PHETA2: variants seen among roughly 807,000 people sequenced by gnomAD.
PHETA2 encodes the protein PH domain containing endocytic trafficking adaptor 2, also known as sesquipedalian-2.
For synonymous variants in PHETA2, 133 were observed against 142.9 expected (o/e 0.93, Z 0.50); for missense variants, 321 against 341.3 (o/e 0.94, Z 0.47).
rs759630860 is a variant in PHETA2, at chr22:42,077,894, G to A, written c.601G>A (p.Glu201Lys). The A allele has an allele frequency of 2.5e-6, 4 of 1,613,514 alleles. No homozygotes were observed. Among genetic ancestry groups the A allele is most frequent in the Non-Finnish European group, 3.4e-6 (4 of 1,179,886 alleles). ...TGCAGGGTGGGGGTTGGCTGAGTGG[G>A]AGCTGCAGGGCCCTGCCAGCCTCCT... ...RSAGWGLAEWELQGPASLLLG... is the reference protein window; with the variant it reads ...RSAGWGLAEWKLQGPASLLLG... The change falls in exon 3 of 3, where the codon GAG becomes AAG. Residue 201 changes from glutamate (E) to lysine (K), a missense_variant. Physicochemically the swap from Glu to Lys is moderately conservative, Grantham distance 56 (BLOSUM62 1). Coordinates refer to ENST00000321753, the MANE Select transcript of PHETA2 (RefSeq NM_001002034.3).
Position 42,077,455 on chromosome 22 carries a change from C to CT in PHETA2, c.165dup (p.Glu56Ter), listed in dbSNP as rs769633011. 6 of 1,613,994 alleles carry CT rather than the reference C, an allele frequency of 3.7e-6. No individual in the cohort carries two copies. In the South Asian group the frequency reaches 6.6e-5, roughly 18 times the overall value. ...TCCTCAAGGGCAACCTGCTATTCTC[C>CT]TTTGAGAGTCGCGAGGGCCGGGCCC... On this transcript the variant is annotated frameshift_variant, in exon 3 of 3. Coordinates refer to ENST00000321753, the MANE Select transcript of PHETA2 (RefSeq NM_001002034.3). LOFTEE classifies it low-confidence loss of function (END_TRUNC).
rs941364521 is a variant in PHETA2, at chr22:42,075,464, C to G, written c.-96-107C>G. On this transcript the variant is annotated intron_variant, in intron 1 of 2. Transcript: ENST00000321753. The surrounding 1 kb of genome is among the most constrained non-coding windows in gnomAD (Gnocchi z 4.8). ...GATGGGTGGGGGGATTCTCAGGGGTCAGGGAAGGCTTCCCGGTGGAGGCTG... is the reference window on the plus strand; with the variant it reads ...GATGGGTGGGGGGATTCTCAGGGGTGAGGGAAGGCTTCCCGGTGGAGGCTG... 5 of 152,384 alleles carry G rather than the reference C, an allele frequency of 3.3e-5. No homozygotes were observed. The highest frequency in any genetic ancestry group is 7.3e-5 in the Non-Finnish European group (5 of 68,248). The allele number at this position is 152,384 out of a possible 1,614,324, so 9.4% of individuals were successfully genotyped here.
Position 42,077,483 on chromosome 22 carries a change from C to A in PHETA2, c.190C>A (p.Leu64Met). Residue 64 changes from leucine (L) to methionine (M), a missense_variant, in exon 3 of 3, where the codon CTG (leucine) becomes ATG (methionine). By Grantham distance (15) the Leu-to-Met change is conservative. Coordinates refer to ENST00000321753, the MANE Select transcript of PHETA2 (RefSeq NM_001002034.3). ...SFESREGRAP[L>M]SLVVLEGCTV... is the part of the protein sequence containing the mutation. Reference sequence around the variant, plus strand: ...TGAGAGTCGCGAGGGCCGGGCCCCACTGAGCCTGGTGGTGCTGGAAGGCTG... The same window carrying A: ...TGAGAGTCGCGAGGGCCGGGCCCCAATGAGCCTGGTGGTGCTGGAAGGCTG... 2 of 1,614,140 alleles carry A rather than the reference C, an allele frequency of 1.2e-6. No homozygotes were observed. The highest frequency in any genetic ancestry group is 1.7e-6 in the Non-Finnish European group (2 of 1,180,030).
At chr22:42,074,994 C>T (rs1335323964) in intron 1 of PHETA2, among the ~76,000 whole-genome samples, 1 of 152,184 alleles carries the variant, frequency 6.6e-6, no homozygotes, top group Non-Finnish European at 1.5e-5. Context: ...TTCGATTTGT[C>T]CACTGATGTA....
At position 42,077,839 on chromosome 22, in the gene PHETA2, G is replaced by A; in HGVS notation, c.546G>A (p.Val182=). 6.2e-7 allele frequency: 1 copy of A among 1,613,360 alleles called. No homozygotes were observed. The highest frequency in any genetic ancestry group is 8.5e-7 in the Non-Finnish European group (1 of 1,179,932). Residue 182 remains valine, a synonymous_variant, in exon 3 of 3, where the codon GTG becomes GTA. Coordinates refer to ENST00000321753, the MANE Select transcript of PHETA2 (RefSeq NM_001002034.3). ...GCCTCTCCAAGGACAGCAGCCCTGT[G>A]GGCTTGGTTGAAGAAGCGGGCAGCA... The part of the protein sequence containing the change: ...GHCLSKDSSP[V]GLVEEAGSRS...
chr22:42,077,466 G>T lies in PHETA2; in HGVS notation c.173G>T (p.Arg58Leu). Residue 58 changes from arginine (R) to leucine (L), a missense_variant, in exon 3 of 3, where the codon CGC becomes CTC. Arg to Leu is a moderately radical substitution (Grantham distance 102). Transcript: ENST00000321753. The part of the protein sequence containing the change: ...KGNLLFSFES[R>L]EGRAPLSLVV... ...AACCTGCTATTCTCCTTTGAGAGTC[G>T]CGAGGGCCGGGCCCCACTGAGCCTG... is the stretch of plus-strand genomic sequence containing the variant. The T allele has an allele frequency of 6.2e-7, 1 of 1,614,026 alleles. No individual in the cohort carries two copies. Among genetic ancestry groups the T allele is most frequent in the Non-Finnish European group, 8.5e-7 (1 of 1,180,010 alleles).
chr22:42,077,910 C>T lies in PHETA2; in HGVS notation c.617C>T (p.Ala206Val). 1 of 1,613,246 alleles carries T rather than the reference C, an allele frequency of 6.2e-7. No individual in the cohort carries two copies. The highest frequency in any genetic ancestry group is 8.5e-7 in the Non-Finnish European group (1 of 1,179,660). Reference protein sequence around the residue: ...GLAEWELQGPASLLLGKGQSP... With the variant: ...GLAEWELQGPVSLLLGKGQSP... Reference sequence around the variant, plus strand: ...GCTGAGTGGGAGCTGCAGGGCCCTGCCAGCCTCCTCCTAGGCAAGGGGCAG... The same window carrying T: ...GCTGAGTGGGAGCTGCAGGGCCCTGTCAGCCTCCTCCTAGGCAAGGGGCAG... Residue 206 changes from alanine (A) to valine (V), a missense_variant, in exon 3 of 3, where the codon GCC (alanine) becomes GTC (valine). Physicochemically the swap from Ala to Val is moderately conservative, Grantham distance 64. Transcript: ENST00000321753.
chr22:42,076,689 C>A (rs1363734355), intron 2 of PHETA2, among the ~76,000 whole-genome samples: 1 of 152,188 alleles, frequency 6.6e-6, no homozygotes, highest in African/African-American at 2.4e-5. Flanking sequence ...AAAGGCCCAA[C>A]GCAGCACACC....
rs80060478 is a variant in PHETA2, at chr22:42,079,153, C to T, written c.*1080C>T. 4,392 of 167,308 alleles carry T rather than the reference C, an allele frequency of 0.026. 206 individuals carry two copies. Among genetic ancestry groups the T allele is most frequent in the African/African-American group, 0.1 (4,140 of 41,514 alleles). The allele number at this position is 167,308 out of a possible 1,614,324, so 10.4% of individuals were successfully genotyped here. On this transcript the variant is annotated 3_prime_UTR_variant, in exon 3 of 3. Coordinates refer to ENST00000321753, the MANE Select transcript of PHETA2 (RefSeq NM_001002034.3). ...AGACGCAGAGGCCGGGAAGAGACAC[C>T]CCCTCCCAAACACATAAAACTTGCC...
chr22:42,076,577 C>T (rs1049994486), intron 2 of PHETA2, among the ~76,000 whole-genome samples: 2 of 152,126 alleles, frequency 1.3e-5, no homozygotes, highest in African/African-American at 4.8e-5. Context: ...CAGATGTGAG[C>T]CACCGCACCC....
chr22:42,077,967 C>T lies in PHETA2; in HGVS notation c.674C>T (p.Ser225Phe), dbSNP rs1209006176. Residue 225 changes from serine (S) to phenylalanine (F), a missense_variant, in exon 3 of 3, where the codon TCT becomes TTT. Transcript: ENST00000321753. Reference protein sequence around the residue: ...SPVSPETSCFSTLHDWYGQEI... With the variant: ...SPVSPETSCFFTLHDWYGQEI... Reference sequence around the variant, plus strand: ...GTGTCCCCTGAGACCTCCTGCTTCTCTACCCTGCATGACTGGTATGGCCAG... The same window carrying T: ...GTGTCCCCTGAGACCTCCTGCTTCTTTACCCTGCATGACTGGTATGGCCAG... The T allele has an allele frequency of 6.2e-7, 1 of 1,611,652 alleles. No individual in the cohort carries two copies. Among genetic ancestry groups the T allele is most frequent in the Non-Finnish European group, 8.5e-7 (1 of 1,179,012 alleles).
At position 42,078,022 on chromosome 22, in the gene PHETA2, G is replaced by C. The variant is rs754522461; in HGVS notation, c.729G>C (p.Gln243His). The change falls in exon 3 of 3, where the codon CAG becomes CAC. Residue 243 changes from glutamine to histidine, a missense_variant. Coordinates refer to ENST00000321753, the MANE Select transcript of PHETA2 (RefSeq NM_001002034.3). The stretch of plus-strand genomic sequence containing the variant: ...TCGTGGAGCTGCGGCAGTGTTGGCA[G>C]AAGAGGGCCCAGGGGAGCCACTCAA... ...QEIVELRQCW[Q>H]KRAQGSHSKC... 11 of 1,610,226 alleles carry C rather than the reference G, an allele frequency of 6.8e-6. No individual in the cohort carries two copies. The highest frequency in any genetic ancestry group is 3.3e-4 in the Middle Eastern group (2 of 6,046).
chr22:42,078,141 C>T lies in PHETA2; in HGVS notation c.*68C>T. 1 of 1,450,704 alleles carries T rather than the reference C, an allele frequency of 6.9e-7. No homozygotes were observed. The highest frequency in any genetic ancestry group is 1.4e-5 in the African/African-American group (1 of 69,896). The allele number at this position is 1,450,704 out of a possible 1,614,324, so 89.9% of individuals were successfully genotyped here. A position where few individuals can be genotyped will look rare whatever the true frequency, so the allele number is the denominator to read the frequency against. On this transcript the variant is annotated 3_prime_UTR_variant, in exon 3 of 3. Transcript: ENST00000321753. ...CAGGAGTTAAATGTTTACCCATTTC[C>T]AAGGTTGCGTTTTGGGAGGGGACAT...
In PHETA2 at chr22:42,077,954, ACCT is replaced by A; in HGVS notation, c.665_667del (p.Ser222del). ...GGGGCAGAGCCCTGTGTCCCCTGAGACCTCCTGCTTCTCTACCCTGCATGACTG... is the reference window on the plus strand; with the variant it reads ...GGGGCAGAGCCCTGTGTCCCCTGAGACCTGCTTCTCTACCCTGCATGACTG... On this transcript the variant is annotated inframe_deletion, in exon 3 of 3. Coordinates refer to ENST00000321753, the MANE Select transcript of PHETA2 (RefSeq NM_001002034.3). 6.2e-7 allele frequency: 1 copy of A among 1,611,410 alleles called. No individual in the cohort carries two copies. Among genetic ancestry groups the A allele is most frequent in the Middle Eastern group, 1.7e-4 (1 of 6,058 alleles).
In PHETA2 at chr22:42,077,434, C is replaced by G; in HGVS notation, c.141C>G (p.Leu47=). The G allele has an allele frequency of 6.2e-7, 1 of 1,613,586 alleles. No individual in the cohort carries two copies. The highest frequency in any genetic ancestry group is 8.5e-7 in the Non-Finnish European group (1 of 1,179,738). The part of the protein sequence containing the change: ...SGTGRRCWFV[L]KGNLLFSFES... ...CTGGCCGAAGATGCTGGTTTGTCCT[C>G]AAGGGCAACCTGCTATTCTCCTTTG... Residue 47 remains leucine (L), a synonymous_variant, in exon 3 of 3, where the codon CTC becomes CTG. Coordinates refer to ENST00000321753, the MANE Select transcript of PHETA2 (RefSeq NM_001002034.3).
rs1486064070 is a variant in PHETA2, at chr22:42,074,272, GC to G, written c.-163del. The G allele has an allele frequency of 3.3e-5, 5 of 152,276 alleles. No individual in the cohort carries two copies. Among genetic ancestry groups the G allele is most frequent in the Admixed American group, 2.0e-4 (3 of 15,290 alleles). The allele number at this position is 152,276 out of a possible 1,614,324, so 9.4% of individuals were successfully genotyped here. A position where few individuals can be genotyped will look rare whatever the true frequency, so the allele number is the denominator to read the frequency against. Reference sequence around the variant, plus strand: ...TCCCGGCTCCCGCGGCCACGTTGCAGCCCAGGCGGAGGCGCGGGATCTCGAG... The same window carrying G: ...TCCCGGCTCCCGCGGCCACGTTGCAGCCAGGCGGAGGCGCGGGATCTCGAG... On this transcript the variant is annotated 5_prime_UTR_variant, in exon 1 of 3. Transcript: ENST00000321753.
In PHETA2 at chr22:42,078,150, GT is replaced by G; in HGVS notation, c.*81del. 2 of 1,438,382 alleles carry G rather than the reference GT, an allele frequency of 1.4e-6. No individual in the cohort carries two copies. Among genetic ancestry groups the G allele is most frequent in the Non-Finnish European group, 1.8e-6 (2 of 1,087,884 alleles). The allele number at this position is 1,438,382 out of a possible 1,614,324, so 89.1% of individuals were successfully genotyped here. ...AATGTTTACCCATTTCCAAGGTTGC[GT>G]TTTGGGAGGGGACATGGGTTCTCTC... On this transcript the variant is annotated 3_prime_UTR_variant, in exon 3 of 3. Coordinates refer to ENST00000321753, the MANE Select transcript of PHETA2 (RefSeq NM_001002034.3).
intron 1 of PHETA2, among the ~76,000 whole-genome samples, chr22:42,074,796 C>G (rs980800009): frequency 6.6e-6 from 1 of 152,238 alleles, no homozygotes; most frequent in East Asian, 1.9e-4. Flanking sequence ...CTGGGCCCCC[C>G]CTACTGGAAT....
intron 2 of PHETA2, among the ~76,000 whole-genome samples, chr22:42,077,012 G>A (rs1305743594): frequency 6.6e-6 from 1 of 152,160 alleles, no homozygotes; most frequent in Non-Finnish European, 1.5e-5. Flanking sequence ...GTCCTGCCAT[G>A]CCTCCTGTCT....
Sources: allele counts gnomAD v4.1 joint callset (sites outside exome capture counted in the v4.1 genomes callset), GRCh38; gene constraint gnomAD v4.1.1; non-coding constraint Gnocchi (gnomAD v3.1); transcripts MANE v1.5; gene names NCBI Gene and HGNC (gene_info 2026-07-23, HGNC 2026-07-21).